Variants in SPAG16 observed in about 807,000 individuals in gnomAD.
SPAG16 encodes the protein sperm associated antigen 16, also known as sperm-associated antigen 16 protein.
Under a neutral mutation model 80.4 loss-of-function variants are expected in SPAG16, and 86 were observed. The ratio of observed to expected loss-of-function variants is 1.07; its 90% CI spans 0.90 to 1.28. The LOEUF is 1.28. SPAG16 is among the 50% of genes most tolerant of loss of function. The pLI is 0.00. For synonymous variants in SPAG16, 294 were observed against 265.9 expected (o/e 1.11, Z -1.03); for missense variants, 870 against 765.3 (o/e 1.14, Z -1.61).
intron 9 of SPAG16, among the ~76,000 whole-genome samples, chr2:213,376,108 A>G (rs1559470532): frequency 6.6e-6 from 1 of 151,454 alleles, no homozygotes; most frequent in East Asian, 1.9e-4. Context: ...GTGCTTTTTC[A>G]GATTAGTGTT....
intron 10 of SPAG16, among the ~76,000 whole-genome samples, chr2:213,644,578 G>T (rs535494809): frequency 3.3e-5 from 5 of 152,304 alleles, no homozygotes; most frequent in Admixed American, 2.0e-4. Flanking sequence ...CAGTAATGCT[G>T]TGTTTCTTAC....
intron 15 of SPAG16, among the ~76,000 whole-genome samples, chr2:214,274,796 T>C (rs1444080565): frequency 6.6e-6 from 1 of 152,240 alleles, no homozygotes; most frequent in African/African-American, 2.4e-5. Flanking sequence ...GGTATCAGAA[T>C]GATGCTGGCC....
At chr2:214,370,272 G>C (rs562742863) in intron 15 of SPAG16, among the ~76,000 whole-genome samples, 1 of 152,122 alleles carries the variant, frequency 6.6e-6, no homozygotes, top group Non-Finnish European at 1.5e-5. Flanking sequence ...CAGTAGAGTT[G>C]TTTTTAGAAA....
chr2:213,793,220 G>C (rs2070815661), intron 10 of SPAG16, among the ~76,000 whole-genome samples: 1 of 151,904 alleles, frequency 6.6e-6, no homozygotes, highest in Non-Finnish European at 1.5e-5. Context: ...GAGCCACCGC[G>C]CGGCCTTATC....
intron 10 of SPAG16, among the ~76,000 whole-genome samples, chr2:213,521,930 A>G (rs1285169874): frequency 6.6e-6 from 1 of 152,260 alleles, no homozygotes; most frequent in Non-Finnish European, 1.5e-5. Context: ...TCAATGAAGC[A>G]TAGCAATATC....
intron 11 of SPAG16, among the ~76,000 whole-genome samples, chr2:213,928,314 T>C (rs573418366): frequency 3.3e-5 from 5 of 151,636 alleles, no homozygotes; most frequent in Admixed American, 3.3e-4. Context: ...GGATGGTCTC[T>C]ATCTCCTGAC....
intron 10 of SPAG16, among the ~76,000 whole-genome samples, chr2:213,674,457 C>T (rs116418966): frequency 6.7e-6 from 1 of 150,314 alleles, no homozygotes; most frequent in Non-Finnish European, 1.5e-5. Context: ...ATATGTATAC[C>T]TGTGACATGC....
intron 13 of SPAG16, among the ~76,000 whole-genome samples, chr2:214,018,711 G>T (rs973224009): frequency 2.0e-5 from 3 of 152,144 alleles, no homozygotes; most frequent in Non-Finnish European, 2.9e-5. Flanking sequence ...GGTACATTTT[G>T]TCACCTCAAT....
chr2:214,031,347 C>G (rs978438335), intron 13 of SPAG16, among the ~76,000 whole-genome samples: 2 of 144,182 alleles, frequency 1.4e-5, no homozygotes, highest in African/African-American at 5.2e-5. Flanking sequence ...GACAAAAAAC[C>G]AAACACCGCA....
intron 10 of SPAG16, among the ~76,000 whole-genome samples, chr2:213,747,750 C>T (rs535982402): frequency 2.6e-5 from 4 of 152,214 alleles, no homozygotes; most frequent in African/African-American, 9.6e-5. Flanking sequence ...AGAAGGATAC[C>T]ATCTCAGAAT....
At chr2:213,355,870 T>G (rs1340767344) in intron 7 of SPAG16, among the ~76,000 whole-genome samples, 1 of 152,208 alleles carries the variant, frequency 6.6e-6, no homozygotes, top group Non-Finnish European at 1.5e-5. Context: ...TTCTCTTGCC[T>G]GATTGCCCTG....
intron 15 of SPAG16, among the ~76,000 whole-genome samples, chr2:214,330,243 C>A (rs1696817496): frequency 2.0e-5 from 3 of 150,570 alleles, no homozygotes; most frequent in Non-Finnish European, 1.5e-5. Context: ...CGCCATTGCA[C>A]TCCAGCCTGG....
At chr2:213,932,174 A>G in intron 12 of SPAG16, among the ~76,000 whole-genome samples, 1 of 23,076 alleles carries the variant, frequency 4.3e-5, no homozygotes, top group African/African-American at 6.9e-5. Flanking sequence ...ATATATATAT[A>G]TATATATATA....
At chr2:214,284,125 C>G (rs1331933657) in intron 15 of SPAG16, among the ~76,000 whole-genome samples, 1 of 152,072 alleles carries the variant, frequency 6.6e-6, no homozygotes, top group Admixed American at 6.6e-5. Flanking sequence ...TATATAGCAC[C>G]CCTCTTTTGG....
At chr2:213,903,056 G>A (rs2077283661) in intron 11 of SPAG16, among the ~76,000 whole-genome samples, 1 of 152,178 alleles carries the variant, frequency 6.6e-6, no homozygotes, top group South Asian at 2.1e-4. Flanking sequence ...CCACCCCTGT[G>A]GCTTTGCAGG....
intron 15 of SPAG16, among the ~76,000 whole-genome samples, chr2:214,264,509 A>T (rs1000525677): frequency 6.6e-6 from 1 of 152,174 alleles, no homozygotes; most frequent in Non-Finnish European, 1.5e-5. Context: ...GACAGAAGGT[A>T]TAGGAAGTTT....
chr2:214,231,668 A>T lies in SPAG16; in HGVS notation c.1720+82402A>T, dbSNP rs146886226. Among the ~76,000 whole-genome samples the T allele has an allele frequency of 6.6e-5, 10 of 152,204 alleles. No homozygotes were observed. The East Asian group carries it at 1.9e-3, about 29-fold the overall frequency. On this transcript the variant is annotated intron_variant, in intron 15 of 15. Coordinates refer to ENST00000331683, the MANE Select transcript of SPAG16 (RefSeq NM_024532.5). ...CCAAAAGAAGAAAAGAGGTGATAGG[A>T]TAAGGAAAGAGCACAAAGAAACTTG...
intron 10 of SPAG16, among the ~76,000 whole-genome samples, chr2:213,551,245 T>TTC (rs2076770597): frequency 6.6e-6 from 1 of 152,192 alleles, no homozygotes; most frequent in African/African-American, 2.4e-5. Flanking sequence ...TCTCCCAACT[T>TTC]TTGGACCAAG....
chr2:213,386,730 C>G (rs2067448764), intron 9 of SPAG16, among the ~76,000 whole-genome samples: 1 of 152,108 alleles, frequency 6.6e-6, no homozygotes, highest in African/African-American at 2.4e-5. Flanking sequence ...ACTATTTTCT[C>G]TTGAATTAGG....
Sources: gnomAD v4.1 joint callset for allele counts (sites outside exome capture counted in the v4.1 genomes callset) on GRCh38, gnomAD v4.1.1 for gene constraint, MANE v1.5 for transcripts, NCBI Gene and HGNC (gene_info 2026-07-23, HGNC 2026-07-21) for gene names.